Variants in RASAL3 observed in about 807,000 individuals in gnomAD.
RASAL3 encodes the protein RAS protein activator like 3.
Under a neutral mutation model 105.5 loss-of-function variants are expected in RASAL3, and 74 were observed. The observed-to-expected ratio is 0.70, with a 90% confidence interval of 0.58 to 0.85. The LOEUF is 0.85. RASAL3 is among the 40% of genes least tolerant of loss of function. The pLI, the probability that RASAL3 is intolerant of heterozygous loss-of-function variation, is 0.00. For missense variants in RASAL3, 1,352 were observed against 1,392.0 expected (o/e 0.97, Z 0.46); for synonymous variants, 579 against 591.6 (o/e 0.98, Z 0.31).
At position 15,457,481 on chromosome 19, in the gene RASAL3, C is replaced by T; in HGVS notation, c.1242G>A (p.Ala414=). The change falls in exon 9 of 18, where the codon GCG becomes GCA. Residue 414 remains alanine, a synonymous_variant. Coordinates refer to ENST00000343625, the MANE Select transcript of RASAL3 (RefSeq NM_022904.3). The surrounding 1 kb of genome is among the most constrained non-coding windows in gnomAD (Gnocchi z 8.6). The part of the protein sequence containing the change: ...FPLLGAPAGA[A]LRARIRARRL... Reference sequence around the variant, plus strand: ...GACGCGCCCGAATCCGCGCCCGCAGCGCTGCGCCCGCCGGCGCCCCGAGCA... The same window carrying T: ...GACGCGCCCGAATCCGCGCCCGCAGTGCTGCGCCCGCCGGCGCCCCGAGCA... The T allele has an allele frequency of 8.1e-7, 1 of 1,240,218 alleles. No individual in the cohort carries two copies. Among genetic ancestry groups the T allele is most frequent in the Non-Finnish European group, 1.0e-6 (1 of 983,610 alleles). The allele number at this position is 1,240,218 out of a possible 1,614,324, so 76.8% of individuals were successfully genotyped here.
rs1294982717 is a variant in RASAL3 at position 15,453,297 on chromosome 19, C to A, written c.2480G>T (p.Arg827Leu). The change falls in exon 15 of 18, where the codon CGC (arginine) becomes CTC (leucine). Residue 827 changes from arginine to leucine, a missense_variant. By Grantham distance (102) the Arg-to-Leu change is moderately radical (BLOSUM62 -2). Transcript: ENST00000343625. This position sits in a 1 kb window ranked among gnomAD's most constrained non-coding sequence, Gnocchi z 4.2. ...CCAGGGCCCCGCAGATTGGCGGCGG[C>A]GGGCAGGACGCCGGACCGGGACACT... is the stretch of plus-strand genomic sequence containing the variant. Reference protein sequence around the residue: ...TQSVPVRRPARRRQSAGPWPR... With the variant: ...TQSVPVRRPALRRQSAGPWPR... 4.0e-5 allele frequency: 60 copies of A among 1,499,402 alleles called. No homozygotes were observed. The highest frequency in any genetic ancestry group is 5.3e-5 in the Non-Finnish European group (60 of 1,128,496). 92.9% of individuals were successfully genotyped at this position (1,499,402 alleles called of 1,614,324 possible). A position where few individuals can be genotyped will look rare whatever the true frequency, so the allele number is the denominator to read the frequency against.
In RASAL3 at chr19:15,458,592, G is replaced by T; in HGVS notation, c.726C>A (p.Ala242=). Residue 242 remains alanine, a synonymous_variant, in exon 7 of 18, where the codon GCC becomes GCA. Coordinates refer to ENST00000343625, the MANE Select transcript of RASAL3 (RefSeq NM_022904.3). ...LATLSELDLG[A]ERDVRIWPLH... is the part of the protein sequence containing the mutation. Reference sequence around the variant, plus strand: ...GTGGCCAGATCCGCACATCCCGCTCGGCACCCAGGTCCAGTTCAGAGAGTG... The same window carrying T: ...GTGGCCAGATCCGCACATCCCGCTCTGCACCCAGGTCCAGTTCAGAGAGTG... 6.2e-7 allele frequency: 1 copy of T among 1,613,576 alleles called. No individual in the cohort carries two copies. Among genetic ancestry groups the T allele is most frequent in the Non-Finnish European group, 8.5e-7 (1 of 1,179,742 alleles).
chr19:15,463,252 C>T (rs1970568438), intron 2 of RASAL3, among the ~76,000 whole-genome samples: 1 of 145,508 alleles, frequency 6.9e-6, no homozygotes, highest in African/African-American at 2.5e-5. Context: ...TGCCTAGATA[C>T]TTTTTTTTTT....
intron 2 of RASAL3, among the ~76,000 whole-genome samples, chr19:15,462,512 A>G (rs1970541615): frequency 6.6e-6 from 1 of 151,678 alleles, no homozygotes; most frequent in South Asian, 2.1e-4. Flanking sequence ...CAAAAACAAA[A>G]TGGGAATATA....
In RASAL3 at chr19:15,453,399, C is replaced by A. The variant is rs1014527793; in HGVS notation, c.2378G>T (p.Arg793Leu). 8 of 1,489,096 alleles carry A rather than the reference C, an allele frequency of 5.4e-6. No homozygotes were observed. Among genetic ancestry groups the A allele is most frequent in the Non-Finnish European group, 7.1e-6 (8 of 1,128,448 alleles). The allele number at this position is 1,489,096 out of a possible 1,614,324, so 92.2% of individuals were successfully genotyped here. A position where few individuals can be genotyped will look rare whatever the true frequency, so the allele number is the denominator to read the frequency against. ...SKSQSLRSVR[R>L]SESWARPRPD... Reference sequence around the variant, plus strand: ...CCGTGGCCGGGCCCAACTCTCTGAGCGGCGAACGCTGCGCAGAGACTGGCT... The same window carrying A: ...CCGTGGCCGGGCCCAACTCTCTGAGAGGCGAACGCTGCGCAGAGACTGGCT... The change falls in exon 15 of 18, where the codon CGC becomes CTC. Residue 793 changes from arginine (R) to leucine (L), a missense_variant. By Grantham distance (102) the Arg-to-Leu change is moderately radical. Coordinates refer to ENST00000343625, the MANE Select transcript of RASAL3 (RefSeq NM_022904.3). This position sits in a 1 kb window ranked among gnomAD's most constrained non-coding sequence, Gnocchi z 4.2.
intron 8 of RASAL3, 36 bp downstream of exon 8, chr19:15,458,291 CG>C: frequency 6.3e-7 from 1 of 1,583,020 alleles, no homozygotes; most frequent in Non-Finnish European, 8.6e-7. Flanking sequence ...GGCCTGTGGG[CG>C]GGGTCTCCGT....
At position 15,457,248 on chromosome 19, in the gene RASAL3, G is replaced by T. The variant is rs1379677414; in HGVS notation, c.1431+44C>A. Reference sequence around the variant, plus strand: ...AACTCCTGCCCGAAGCGCGTTATCGGTCTACCCCTGGTAGCCCCGGTCCGC... The same window carrying T: ...AACTCCTGCCCGAAGCGCGTTATCGTTCTACCCCTGGTAGCCCCGGTCCGC... On this transcript the variant is annotated intron_variant, in intron 9 of 17. Coordinates refer to ENST00000343625, the MANE Select transcript of RASAL3 (RefSeq NM_022904.3). The surrounding 1 kb of genome is among the most constrained non-coding windows in gnomAD (Gnocchi z 8.6). The T allele has an allele frequency of 2.4e-6, 3 of 1,242,366 alleles. No individual in the cohort carries two copies. Among genetic ancestry groups the T allele is most frequent in the African/African-American group, 3.2e-5 (2 of 63,118 alleles). 77.0% of individuals were successfully genotyped at this position (1,242,366 alleles called of 1,614,324 possible). A position where few individuals can be genotyped will look rare whatever the true frequency, so the allele number is the denominator to read the frequency against.
Position 15,460,219 on chromosome 19 carries a change from A to T in RASAL3, c.646T>A (p.Leu216Met), listed in dbSNP as rs766209977. The T allele has an allele frequency of 3.1e-6, 5 of 1,608,434 alleles. No individual in the cohort carries two copies. The Admixed American group carries it at 8.4e-5, about 27-fold the overall frequency. ...CACCCTTACCCATCCCGGGGCTCCA[A>T]CCTGGCCTTTTTCTTCTCTTTCAGC... Reference protein sequence around the residue: ...KRLKEKKKARLEPRDGPPSAL... With the variant: ...KRLKEKKKARMEPRDGPPSAL... Residue 216 changes from leucine (L) to methionine (M), a missense_variant, in exon 6 of 18, where the codon TTG (leucine) becomes ATG (methionine). Physicochemically the swap from Leu to Met is conservative, Grantham distance 15 (BLOSUM62 2). Transcript: ENST00000343625.
rs1230028545 is a variant in RASAL3 at position 15,461,331 on chromosome 19, G to A, written c.466-35C>T. On this transcript the variant is annotated intron_variant, in intron 3 of 17. Coordinates refer to ENST00000343625, the MANE Select transcript of RASAL3 (RefSeq NM_022904.3). ...CGCAGGAGTGGGTAGTCAGAGAGGG[G>A]AGGCAGGCAGGCAGGCAGGCAGGCA... The A allele has an allele frequency of 4.4e-6, 7 of 1,598,604 alleles. No individual in the cohort carries two copies. The African/African-American group carries it at 6.7e-5, about 15-fold the overall frequency.
chr19:15,453,597 CTT>C lies in RASAL3; in HGVS notation c.2280-102_2280-101del. ...ACCTCACCCCCCACGTGAACTTGTCCTTTCTTTTTTTTTTTTGAGACAAGGTC... is the reference window on the plus strand; with the variant it reads ...ACCTCACCCCCCACGTGAACTTGTCCTCTTTTTTTTTTTTGAGACAAGGTC... On this transcript the variant is annotated intron_variant, in intron 14 of 17. Transcript: ENST00000343625. This position sits in a 1 kb window ranked among gnomAD's most constrained non-coding sequence, Gnocchi z 4.2. The C allele has an allele frequency of 8.0e-7, 1 of 1,250,850 alleles. No homozygotes were observed. The highest frequency in any genetic ancestry group is 1.1e-6 in the Non-Finnish European group (1 of 948,098). The allele number at this position is 1,250,850 out of a possible 1,614,324, so 77.5% of individuals were successfully genotyped here. A position where few individuals can be genotyped will look rare whatever the true frequency, so the allele number is the denominator to read the frequency against.
chr19:15,457,085 G>T lies in RASAL3; in HGVS notation c.1431+207C>A, dbSNP rs1302405996. Among the ~76,000 whole-genome samples, 2 of 151,188 alleles carry T rather than the reference G, an allele frequency of 1.3e-5. No homozygotes were observed. The highest frequency in any genetic ancestry group is 4.9e-5 in the African/African-American group (2 of 41,102). The stretch of plus-strand genomic sequence containing the variant: ...CTTCAAGGTGCCCCGCCCCTTACGG[G>T]TGATGTTCAGGCCCCGCCCTTCTAG... On this transcript the variant is annotated intron_variant, in intron 9 of 17. Transcript: ENST00000343625. The surrounding 1 kb of genome is among the most constrained non-coding windows in gnomAD (Gnocchi z 8.6).
intron 6 of RASAL3, 74 bp from the exon 7 acceptor site, chr19:15,458,729 A>AG (rs1970411537): frequency 6.5e-7 from 1 of 1,534,666 alleles, no homozygotes; most frequent in Non-Finnish European, 8.8e-7. Flanking sequence ...GGGTAGAGGA[A>AG]GGCCAGGAAG....
In RASAL3 at chr19:15,458,239, A is replaced by G. The variant is rs138804345; in HGVS notation, c.888+89T>C. On this transcript the variant is annotated intron_variant, in intron 8 of 17. Transcript: ENST00000343625. ...GGCAGGTGTGTTGGGGGCGCGGGTTATGGAGCGAGCTGGCTTTGGGTAGAG... is the reference window on the plus strand; with the variant it reads ...GGCAGGTGTGTTGGGGGCGCGGGTTGTGGAGCGAGCTGGCTTTGGGTAGAG... The G allele has an allele frequency of 4.7e-3, 5,860 of 1,259,398 alleles. 34 individuals are homozygous for G. Among genetic ancestry groups the G allele is most frequent in the Non-Finnish European group, 5.6e-3 (5,006 of 891,944 alleles). The allele number at this position is 1,259,398 out of a possible 1,614,324, so 78.0% of individuals were successfully genotyped here.
Position 15,461,003 on chromosome 19 carries a change from G to C in RASAL3, c.606+57C>G, listed in dbSNP as rs547042728. ...CCAGCAAGAGTGCCCTTTCAGCTTT[G>C]AGGGTCCGAGAGTCTTGGCTCTCCC... On this transcript the variant is annotated intron_variant, in intron 5 of 17. Transcript: ENST00000343625. 9.2e-5 allele frequency: 142 copies of C among 1,539,514 alleles called. No homozygotes were observed. In the South Asian group the frequency reaches 1.4e-3, roughly 16 times the overall value.
Position 15,454,261 on chromosome 19 carries a change from G to A in RASAL3, c.2167C>T (p.Arg723Ter), listed in dbSNP as rs371914904. 24 of 1,564,144 alleles carry A rather than the reference G, an allele frequency of 1.5e-5. No individual in the cohort carries two copies. The highest frequency in any genetic ancestry group is 5.9e-5 in the South Asian group (5 of 85,246). Residue 723 changes from arginine to a stop codon, truncating the protein, a stop_gained, in exon 14 of 18, where the codon CGA becomes TGA. Coordinates refer to ENST00000343625, the MANE Select transcript of RASAL3 (RefSeq NM_022904.3). LOFTEE classifies it high-confidence loss of function. Reference sequence around the variant, plus strand: ...GTGGGCAGTGGTTCCAGGGTGTCTCGGGTTGTCTGGTGAGGCATGCAGGAC... The same window carrying A: ...GTGGGCAGTGGTTCCAGGGTGTCTCAGGTTGTCTGGTGAGGCATGCAGGAC... Reference protein sequence around the residue: ...TIFAELDQTTRDTLEPLPTIL... With the variant: ...TIFAELDQTT
Position 15,451,913 on chromosome 19 carries a change from C to G in RASAL3, c.2918G>C (p.Arg973Thr), listed in dbSNP as rs755504855. The G allele has an allele frequency of 1.7e-5, 28 of 1,607,918 alleles. No individual in the cohort carries two copies. In the South Asian group the frequency reaches 1.8e-4, roughly 10 times the overall value. ...NLEHRLNEME[R>T]TQAQLRDAVQ... is the part of the protein sequence containing the mutation. ...AGCATCCCTCAGCTGAGCCTGAGTT[C>G]TCTCCATCTCATTTAGGCGGTGCTC... is the stretch of plus-strand genomic sequence containing the variant. Residue 973 changes from arginine (R) to threonine (T), a missense_variant, in exon 18 of 18, where the codon AGA (arginine) becomes ACA (threonine). Around this residue, in one of 3 missense-constraint regions of RASAL3, gnomAD observed 920 missense variants for 919.6 expected, o/e 1.00. Coordinates refer to ENST00000343625, the MANE Select transcript of RASAL3 (RefSeq NM_022904.3).
chr19:15,461,637 TAAG>T (rs1431863210), intron 2 of RASAL3, 30 bp from the exon 3 acceptor site: 5 of 1,485,254 alleles, frequency 3.4e-6, no homozygotes, highest in African/African-American at 1.4e-5. Context: ...CTGGGGGACT[TAAG>T]AGACGTTTTC....
intron 16 of RASAL3, 45 bp from the exon 17 acceptor site, chr19:15,452,153 G>A: frequency 6.2e-7 from 1 of 1,602,360 alleles, no homozygotes; most frequent in Non-Finnish European, 8.5e-7. Context: ...GGCTAAGGAA[G>A]TCCCTTCCAG....
At chr19:15,452,476 G>A (rs1970180680) in intron 16 of RASAL3, 182 bp downstream of exon 16, 1 of 620,070 alleles carries the variant, frequency 1.6e-6, no homozygotes. Flanking sequence ...GACCTTCGTT[G>A]GGTGGGTCCA....
Sources: gnomAD v4.1 joint callset for allele counts (sites outside exome capture counted in the v4.1 genomes callset) on GRCh38, gnomAD v4.1.1 for gene constraint, gnomAD v4.1.1 regional missense constraint, Gnocchi (gnomAD v3.1) non-coding constraint, MANE v1.5 for transcripts, NCBI Gene and HGNC (gene_info 2026-07-23, HGNC 2026-07-21) for gene names.